CHST15: variants seen among roughly 807,000 people sequenced by gnomAD.
The protein encoded by CHST15 is carbohydrate sulfotransferase 15.
In CHST15, 30 loss-of-function variants were observed where a neutral mutation model predicts 53.6. The ratio of observed to expected loss-of-function variants is 0.56; its 90% CI spans 0.42 to 0.76. The LOEUF (loss-of-function observed/expected upper bound fraction) is 0.76. Among genes scored for constraint, CHST15 ranks in the 30% least tolerant of loss-of-function variants. CHST15 has a pLI of 0.00. For missense variants in CHST15, 627 were observed against 740.5 expected (o/e 0.85, Z 1.78); for synonymous variants, 296 against 289.8 (o/e 1.02, Z -0.22).
In CHST15 at chr10:124,020,086, G is replaced by T. The variant is rs150043756; in HGVS notation, c.1347+1170C>A. The T allele has an allele frequency of 6.0e-4, 596 of 985,744 alleles. 4 individuals are homozygous for T. The African/African-American group carries it at 9.8e-3, about 16-fold the overall frequency. 61.1% of individuals were successfully genotyped at this position (985,744 alleles called of 1,614,324 possible). On this transcript the variant is annotated intron_variant, in intron 6 of 7. Coordinates refer to ENST00000435907, the MANE Select transcript of CHST15 (RefSeq NM_001270764.2). Reference sequence around the variant, plus strand: ...TCTCTCCCCGCCAGCTGCACAGGAAGGCAAGGACCACACCTGTCCTGGCAT... The same window carrying T: ...TCTCTCCCCGCCAGCTGCACAGGAATGCAAGGACCACACCTGTCCTGGCAT...
chr10:124,021,147 C>T, intron 6 of CHST15, 109 bp downstream of exon 6: 1 of 1,528,956 alleles, frequency 6.5e-7, no homozygotes, highest in Non-Finnish European at 8.8e-7. Context: ...ACGCTTCTCT[C>T]TGTTCCTATG....
intron 1 of CHST15, among the ~76,000 whole-genome samples, chr10:124,047,325 T>C (rs1590267712): frequency 1.3e-5 from 2 of 152,220 alleles, no homozygotes; most frequent in South Asian, 4.1e-4. Flanking sequence ...CAGTAGAATG[T>C]ATCATATTAA....
chr10:124,079,135 T>G (rs558320564), intron 1 of CHST15, among the ~76,000 whole-genome samples: 7 of 152,258 alleles, frequency 4.6e-5, no homozygotes, highest in Non-Finnish European at 8.8e-5. Flanking sequence ...AAAAAAAAAT[T>G]TCTTTTATCT....
At position 124,046,075 on chromosome 10, in the gene CHST15, A is replaced by C; in HGVS notation, c.138T>G (p.Arg46=). 1 of 1,614,240 alleles carries C rather than the reference A, an allele frequency of 6.2e-7. No individual in the cohort carries two copies. Among genetic ancestry groups the C allele is most frequent in the Non-Finnish European group, 8.5e-7 (1 of 1,180,048 alleles). The change falls in exon 2 of 8, where the codon CGT becomes CGG. Residue 46 remains arginine (R), a synonymous_variant. Transcript: ENST00000435907. ...GCAAGTTCATCTGCTTACTGTCCAC[A>C]CGAAACAGAATTTTGTTTTCTCCTT... ...TCKGENKILF[R]VDSKQMNLLA...
intron 1 of CHST15, among the ~76,000 whole-genome samples, chr10:124,079,574 G>A (rs79131374): frequency 0.023 from 3,528 of 152,318 alleles, 136 homozygotes; most frequent in African/African-American, 0.081. Flanking sequence ...CAGGACCTGG[G>A]ATGGAGAGGC....
At chr10:124,034,410 C>T (rs985761858) in intron 5 of CHST15, among the ~76,000 whole-genome samples, 8 of 152,066 alleles carry the variant, frequency 5.3e-5, no homozygotes, top group Admixed American at 3.9e-4. Flanking sequence ...GAGCCGCTTG[C>T]ACCTGCACGG....
intron 1 of CHST15, among the ~76,000 whole-genome samples, chr10:124,083,392 C>T (rs1564916371): frequency 6.6e-6 from 1 of 152,176 alleles, no homozygotes; most frequent in African/African-American, 2.4e-5. Context: ...GCAACTGAAG[C>T]TTCATCTTCT....
intron 5 of CHST15, among the ~76,000 whole-genome samples, chr10:124,031,940 G>A (rs576622453): frequency 5.3e-5 from 8 of 152,234 alleles, no homozygotes; most frequent in Non-Finnish European, 7.4e-5. Context: ...GACACTCAGC[G>A]GGTGAAAGCT....
chr10:124,093,172 G>C (rs1402037780), intron 1 of CHST15, among the ~76,000 whole-genome samples: 1 of 152,172 alleles, frequency 6.6e-6, no homozygotes, highest in African/African-American at 2.4e-5. Context: ...AAGCCTCGGG[G>C]AGGCCGGGCC....
chr10:124,071,579 C>T lies in CHST15; in HGVS notation c.-513+21890G>A, dbSNP rs927522116. On this transcript the variant is annotated intron_variant, in intron 1 of 7. Transcript: ENST00000435907. Reference sequence around the variant, plus strand: ...TCGAATAGACGCAAAATAACCACTTCAACATGTAGTCAGTATAAAAGTTAT... The same window carrying T: ...TCGAATAGACGCAAAATAACCACTTTAACATGTAGTCAGTATAAAAGTTAT... Among the ~76,000 whole-genome samples, 8 of 152,322 alleles carry T rather than the reference C, an allele frequency of 5.3e-5. No homozygotes were observed. The South Asian group carries it at 1.4e-3, about 28-fold the overall frequency.
rs563432725 is a variant in CHST15 at position 124,076,617 on chromosome 10, G to A, written c.-513+16852C>T. On this transcript the variant is annotated intron_variant, in intron 1 of 7. Transcript: ENST00000435907. ...ACAAGATCCCAGAGCCAACTCCAAGGGCGTGGACCCATGGTCAATCACACA... is the reference window on the plus strand; with the variant it reads ...ACAAGATCCCAGAGCCAACTCCAAGAGCGTGGACCCATGGTCAATCACACA... Among the ~76,000 whole-genome samples, 19 of 152,276 alleles carry A rather than the reference G, an allele frequency of 1.2e-4. No individual in the cohort carries two copies. The South Asian group carries it at 3.7e-3, about 30-fold the overall frequency.
chr10:124,041,877 A>T (rs1234434137), intron 4 of CHST15, among the ~76,000 whole-genome samples: 2 of 152,220 alleles, frequency 1.3e-5, no homozygotes, highest in African/African-American at 4.8e-5. Flanking sequence ...CCTCCGTCTT[A>T]TATGGTCCCA....
At chr10:124,035,265 A>AT (rs1363446041) in intron 5 of CHST15, among the ~76,000 whole-genome samples, 9 of 61,528 alleles carry the variant, frequency 1.5e-4, no homozygotes, top group Admixed American at 1.8e-4. Context: ...CCCTGGCTCC[A>AT]CCCCTAACAG....
At chr10:124,022,014 G>A (rs1009531850) in intron 5 of CHST15, among the ~76,000 whole-genome samples, 3 of 152,176 alleles carry the variant, frequency 2.0e-5, no homozygotes, top group Non-Finnish European at 4.4e-5. Context: ...ACGTTTACCC[G>A]TGGACACAGA....
At chr10:124,029,820 C>T (rs1254182463) in intron 5 of CHST15, among the ~76,000 whole-genome samples, 1 of 152,206 alleles carries the variant, frequency 6.6e-6, no homozygotes, top group Non-Finnish European at 1.5e-5. Context: ...CAGCGTCAAC[C>T]TCACTAAGCA....
intron 7 of CHST15, 56 bp from the exon 8 acceptor site, chr10:124,010,395 G>A (rs1452801794): frequency 6.8e-7 from 1 of 1,475,298 alleles, no homozygotes; most frequent in African/African-American, 1.4e-5. Flanking sequence ...GAAGTAAAAG[G>A]GACTTTGCAA....
At chr10:124,060,596 TC>T (rs1003291300) in intron 1 of CHST15, among the ~76,000 whole-genome samples, 1 of 146,742 alleles carries the variant, frequency 6.8e-6, no homozygotes, top group Non-Finnish European at 1.5e-5. Context: ...AAGGTGTGCT[TC>T]CCCCAGGGGC....
chr10:124,028,440 G>A (rs1421616751), intron 5 of CHST15, among the ~76,000 whole-genome samples: 1 of 152,130 alleles, frequency 6.6e-6, no homozygotes, highest in Non-Finnish European at 1.5e-5. Context: ...TTGTATTTTT[G>A]TTCATATCGT....
chr10:124,091,200 C>T (rs1949591712), intron 1 of CHST15, among the ~76,000 whole-genome samples: 2 of 152,216 alleles, frequency 1.3e-5, no homozygotes, highest in African/African-American at 4.8e-5. Flanking sequence ...TCCTATACTA[C>T]TTTGAATAAA....
Sources: allele counts gnomAD v4.1 joint callset (sites outside exome capture counted in the v4.1 genomes callset), GRCh38; gene constraint gnomAD v4.1.1; transcripts MANE v1.5; gene names NCBI Gene and HGNC (gene_info 2026-07-23, HGNC 2026-07-21).